Variants in TTLL11 observed in about 807,000 individuals in gnomAD.
The protein encoded by TTLL11 is tubulin tyrosine ligase like 11.
Under a neutral mutation model 51.7 loss-of-function variants are expected in TTLL11, and 42 were observed. The ratio of observed to expected loss-of-function variants is 0.81; its 90% CI spans 0.64 to 1.05. The LOEUF (loss-of-function observed/expected upper bound fraction) is 1.05. Among genes scored for constraint, TTLL11 ranks in the 50% least tolerant of loss-of-function variants. TTLL11 has a pLI of 0.00. For missense variants in TTLL11, 799 were observed against 940.4 expected (o/e 0.85, Z 1.97); for synonymous variants, 381 against 383.5 (o/e 0.99, Z 0.08).
chr9:121,961,260 G>C (rs1410436079), intron 6 of TTLL11, among the ~76,000 whole-genome samples: 1 of 152,122 alleles, frequency 6.6e-6, no homozygotes, highest in South Asian at 2.1e-4. Flanking sequence ...AACCCTTTCA[G>C]CTTACACATA....
intron 3 of TTLL11, among the ~76,000 whole-genome samples, chr9:122,009,402 A>AT (rs1290160353): frequency 1.3e-5 from 2 of 151,990 alleles, no homozygotes; most frequent in African/African-American, 4.8e-5. Flanking sequence ...AATTTAAAAA[A>AT]TTTTTAATAT....
intron 6 of TTLL11, among the ~76,000 whole-genome samples, chr9:121,922,586 G>A (rs1588126933): frequency 6.6e-6 from 1 of 152,300 alleles, no homozygotes; most frequent in Middle Eastern, 3.4e-3. Flanking sequence ...GACTCACAAA[G>A]GGTAAAATGG....
chr9:121,962,903 T>A (rs1842282404), intron 6 of TTLL11, among the ~76,000 whole-genome samples: 1 of 152,206 alleles, frequency 6.6e-6, no homozygotes, highest in African/African-American at 2.4e-5. Context: ...CCCCAAAGTT[T>A]ACAGACAGAG....
chr9:121,981,229 G>C (rs1266139038), intron 4 of TTLL11, among the ~76,000 whole-genome samples: 1 of 151,800 alleles, frequency 6.6e-6, no homozygotes, highest in African/African-American at 2.4e-5. Context: ...AGTCCACTGA[G>C]GGTCTGTTCT....
intron 6 of TTLL11, among the ~76,000 whole-genome samples, chr9:121,951,760 TA>T (rs1456682942): frequency 2.0e-5 from 3 of 152,214 alleles, no homozygotes; most frequent in Non-Finnish European, 4.4e-5. Flanking sequence ...AAAGCGAGTT[TA>T]TTAAGAAAGT....
intron 8 of TTLL11, among the ~76,000 whole-genome samples, chr9:121,847,295 G>C (rs1010668947): frequency 1.7e-4 from 25 of 149,922 alleles, no homozygotes; most frequent in African/African-American, 5.6e-4. Flanking sequence ...AAAACCAAAA[G>C]CTGGTTCTTT....
At chr9:122,034,005 A>G (rs1424044556) in intron 2 of TTLL11, among the ~76,000 whole-genome samples, 3 of 152,240 alleles carry the variant, frequency 2.0e-5, no homozygotes, top group African/African-American at 7.2e-5. Flanking sequence ...GCAAAACTTC[A>G]ACTTTTTTGG....
chr9:121,837,400 C>A (rs1271211369), intron 8 of TTLL11, among the ~76,000 whole-genome samples: 1 of 152,026 alleles, frequency 6.6e-6, no homozygotes, highest in African/African-American at 2.4e-5. Flanking sequence ...GGAGGAAGAT[C>A]TTTCTGAGGA....
At chr9:122,079,162 A>G (rs1845937394) in intron 1 of TTLL11, among the ~76,000 whole-genome samples, 1 of 152,188 alleles carries the variant, frequency 6.6e-6, no homozygotes, top group African/African-American at 2.4e-5. Context: ...ATTGTTTTTC[A>G]AAATGGCTGC....
chr9:121,933,920 ACT>A (rs1320954879), intron 6 of TTLL11, among the ~76,000 whole-genome samples: 1 of 152,036 alleles, frequency 6.6e-6, no homozygotes, highest in Non-Finnish European at 1.5e-5. Flanking sequence ...AACTTTTCAT[ACT>A]CTGTTACATT....
intron 6 of TTLL11, chr9:121,963,533 A>G (rs1665797162): frequency 6.6e-6 from 1 of 152,218 alleles, no homozygotes; most frequent in Non-Finnish European, 1.5e-5. Flanking sequence ...TTTCCCCGTA[A>G]TGGTGACTGA....
intron 6 of TTLL11, among the ~76,000 whole-genome samples, chr9:121,972,217 C>T (rs1213409134): frequency 6.6e-6 from 1 of 152,002 alleles, no homozygotes; most frequent in East Asian, 1.9e-4. Context: ...TAAAAGGCTA[C>T]CCAAATCTCC....
Position 121,860,403 on chromosome 9 carries a change from C to T in TTLL11, c.1774G>A (p.Val592Met), listed in dbSNP as rs753051575. ...GTGATGTCAATGTAGAGGATGTCCA[C>T]GGCAGCCATGGACAGGCTGCTGCTG... is the stretch of plus-strand genomic sequence containing the variant. ...LSSSSLSMAA[V>M]DILYIDITRR... The change falls in exon 8 of 9, where the codon GTG becomes ATG. Residue 592 changes from valine to methionine, a missense_variant. Around this residue, in one of 3 missense-constraint regions of TTLL11, gnomAD observed 165 missense variants for 166.1 expected, o/e 0.99. Coordinates refer to ENST00000321582, the MANE Select transcript of TTLL11 (RefSeq NM_001139442.2). 2.4e-5 allele frequency: 37 copies of T among 1,551,274 alleles called. No individual in the cohort carries two copies. The highest frequency in any genetic ancestry group is 3.3e-4 in the Middle Eastern group (2 of 6,014).
At chr9:121,838,365 C>T (rs1837240899) in intron 8 of TTLL11, among the ~76,000 whole-genome samples, 1 of 152,188 alleles carries the variant, frequency 6.6e-6, no homozygotes, top group African/African-American at 2.4e-5. Context: ...AGCCTCCTCG[C>T]TGGTCTCCCT....
At chr9:121,956,418 G>A (rs1302109658) in intron 6 of TTLL11, among the ~76,000 whole-genome samples, 1 of 152,258 alleles carries the variant, frequency 6.6e-6, no homozygotes, top group Non-Finnish European at 1.5e-5. Flanking sequence ...AATTTAAAAA[G>A]TGGCTCTGTT....
chr9:122,069,228 G>A (rs981946444), intron 1 of TTLL11, among the ~76,000 whole-genome samples: 2 of 152,166 alleles, frequency 1.3e-5, no homozygotes, highest in African/African-American at 4.8e-5. Flanking sequence ...TGGGAATACA[G>A]AGATGAATAG....
intron 4 of TTLL11, among the ~76,000 whole-genome samples, chr9:121,982,585 G>T (rs1712853138): frequency 6.6e-6 from 1 of 152,008 alleles, no homozygotes; most frequent in South Asian, 2.1e-4. Context: ...CTCTGGGCGT[G>T]GTGGCGGGTA....
At chr9:122,078,556 G>A (rs1312721069) in intron 1 of TTLL11, among the ~76,000 whole-genome samples, 1 of 152,114 alleles carries the variant, frequency 6.6e-6, no homozygotes. Context: ...CAAGGAATAT[G>A]GGAAATAAGC....
intron 6 of TTLL11, among the ~76,000 whole-genome samples, chr9:121,951,402 C>T (rs1841848441): frequency 6.6e-6 from 1 of 152,128 alleles, no homozygotes; most frequent in Non-Finnish European, 1.5e-5. Flanking sequence ...TATTGTATAG[C>T]AAGTGGAATT....
Sources: allele counts gnomAD v4.1 joint callset (sites outside exome capture counted in the v4.1 genomes callset), GRCh38; gene constraint gnomAD v4.1.1; regional missense constraint gnomAD v4.1.1; transcripts MANE v1.5; gene names NCBI Gene and HGNC (gene_info 2026-07-23, HGNC 2026-07-21).